Variants in MAF observed in about 807,000 individuals in gnomAD.
The protein encoded by MAF is transcription factor Maf.
A neutral mutation model predicts 22.0 loss-of-function variants in MAF; 10 were observed. The observed-to-expected ratio is 0.45, with a 90% CI of 0.28 to 0.77. MAF has a LOEUF of 0.77. Among genes scored for constraint, MAF ranks in the 30% least tolerant of loss-of-function variants. The pLI, the probability that MAF is intolerant of heterozygous loss-of-function variation, is 0.12. For missense variants in MAF, 544 were observed against 548.4 expected (o/e 0.99, Z 0.08); for synonymous variants, 337 against 255.8 (o/e 1.32, Z -3.03).
chr16:79,363,081 G>A, the MAF span, among the ~76,000 whole-genome samples: 1 of 151,512 alleles, frequency 6.6e-6, no homozygotes, highest in Non-Finnish European at 1.5e-5. Flanking sequence ...AAAAGGGGGG[G>A]AACATGCAGG....
At chr16:79,359,371 A>G in the MAF span, among the ~76,000 whole-genome samples, 4 of 152,214 alleles carry the variant, frequency 2.6e-5, no homozygotes, top group Non-Finnish European at 4.4e-5. Context: ...GGGCACAGCA[A>G]AAAGTTTCTC....
chr16:79,509,151 G>A, the MAF span, among the ~76,000 whole-genome samples: 1 of 152,166 alleles, frequency 6.6e-6, no homozygotes, highest in Non-Finnish European at 1.5e-5. Context: ...GAAGTTACTT[G>A]ACTTTTTTGC....
At chr16:79,491,625 G>A in the MAF span, among the ~76,000 whole-genome samples, 4 of 152,122 alleles carry the variant, frequency 2.6e-5, no homozygotes, top group Non-Finnish European at 5.9e-5. Flanking sequence ...CTGCTGCTAT[G>A]CCCAGAATGC....
the MAF span, among the ~76,000 whole-genome samples, chr16:79,469,882 A>C: frequency 6.6e-6 from 1 of 152,182 alleles, no homozygotes; most frequent in Non-Finnish European, 1.5e-5. Context: ...GGCTTGAGCC[A>C]CCGCGCCTGG....
the MAF span, among the ~76,000 whole-genome samples, chr16:79,464,554 T>A: frequency 6.6e-6 from 1 of 152,198 alleles, no homozygotes; most frequent in African/African-American, 2.4e-5. Context: ...CGAAATGCTG[T>A]ACAGACCCAA....
At chr16:79,221,959 CACAG>C in the MAF span, among the ~76,000 whole-genome samples, 3 of 152,024 alleles carry the variant, frequency 2.0e-5, no homozygotes, top group Non-Finnish European at 4.4e-5. Context: ...TTCCCTGGGA[CACAG>C]ACAGAGAAAC....
the MAF span, among the ~76,000 whole-genome samples, chr16:79,508,250 G>A: frequency 1.3e-5 from 2 of 152,190 alleles, no homozygotes; most frequent in Non-Finnish European, 2.9e-5. Context: ...CGTGGTGTCT[G>A]GATTGGCTGA....
chr16:79,214,393 G>C, the MAF span, among the ~76,000 whole-genome samples: 3 of 152,104 alleles, frequency 2.0e-5, no homozygotes, highest in Admixed American at 2.0e-4. Context: ...CCATCATTGT[G>C]ACAATGATCC....
chr16:79,221,731 G>C, the MAF span, among the ~76,000 whole-genome samples: 4 of 151,664 alleles, frequency 2.6e-5, no homozygotes, highest in African/African-American at 9.7e-5. Flanking sequence ...GTGTGTGCAC[G>C]TGTGTACGTA....
chr16:79,569,517 C>G, the MAF span, among the ~76,000 whole-genome samples: 1 of 152,314 alleles, frequency 6.6e-6, no homozygotes, highest in South Asian at 2.1e-4. Flanking sequence ...GTTCCAATAT[C>G]ACCTGGAAAC....
At chr16:79,309,132 T>A in the MAF span, among the ~76,000 whole-genome samples, 8 of 152,278 alleles carry the variant, frequency 5.3e-5, no homozygotes, top group African/African-American at 1.9e-4. Flanking sequence ...GTGTTCCATC[T>A]AAGCCTTGGA....
chr16:79,408,171 GCTTTT>G, the MAF span, among the ~76,000 whole-genome samples: 7 of 151,132 alleles, frequency 4.6e-5, no homozygotes, highest in African/African-American at 1.2e-4. Context: ...TAACATCGTG[GCTTTT>G]CTTTTCTTTT....
the MAF span, among the ~76,000 whole-genome samples, chr16:79,550,939 A>T: frequency 1.3e-5 from 2 of 151,808 alleles, no homozygotes; most frequent in Non-Finnish European, 2.9e-5. Context: ...GCCACTGCAG[A>T]CTCTTTCCAC....
chr16:79,454,494 A>G, the MAF span, among the ~76,000 whole-genome samples: 1 of 152,234 alleles, frequency 6.6e-6, no homozygotes, highest in South Asian at 2.1e-4. Context: ...AAATGAAATT[A>G]GAAGAAGAAA....
At chr16:79,265,906 C>G in the MAF span, among the ~76,000 whole-genome samples, 2 of 152,196 alleles carry the variant, frequency 1.3e-5, no homozygotes, top group African/African-American at 4.8e-5. Context: ...ACTGAGATGG[C>G]TGCTAAGTGA....
At chr16:79,348,843 C>T in the MAF span, among the ~76,000 whole-genome samples, 1 of 152,186 alleles carries the variant, frequency 6.6e-6, no homozygotes, top group Non-Finnish European at 1.5e-5. Flanking sequence ...CTGATCCATT[C>T]TCGAGGGGCT....
the MAF span, among the ~76,000 whole-genome samples, chr16:79,289,861 T>TATTTATTTA: frequency 1.8e-4 from 17 of 96,754 alleles, 1 homozygote; most frequent in African/African-American, 6.4e-4. Context: ...TGTATTTTTT[T>TATTTATTTA]TTTTTTTGTG....
chr16:79,246,676 C>G, the MAF span, among the ~76,000 whole-genome samples: 1 of 152,032 alleles, frequency 6.6e-6, no homozygotes. Context: ...TTTTAAGTGG[C>G]TTTCAGTAGG....
At chr16:79,408,312 G>C in the MAF span, among the ~76,000 whole-genome samples, 2 of 151,980 alleles carry the variant, frequency 1.3e-5, no homozygotes, top group Admixed American at 6.6e-5. Flanking sequence ...GAGTAGCTGG[G>C]ATTACAGGTG....
Sources: allele counts gnomAD v4.1 joint callset (sites outside exome capture counted in the v4.1 genomes callset), GRCh38; gene constraint gnomAD v4.1.1; transcripts MANE v1.5; gene names NCBI Gene and HGNC (gene_info 2026-07-23, HGNC 2026-07-21).